TP53TG5: variants seen among roughly 807,000 people sequenced by gnomAD.
The protein encoded by TP53TG5 is TP53-target gene 5 protein.
TP53TG5 carries 17 observed loss-of-function variants against 30.0 expected under a neutral mutation model. That is an observed-to-expected ratio of 0.57 (90% CI 0.39 to 0.85). The LOEUF (loss-of-function observed/expected upper bound fraction) is 0.85. TP53TG5 is among the 40% of genes least tolerant of loss of function. The pLI is 0.00. For synonymous variants in TP53TG5, 137 were observed against 139.2 expected (o/e 0.98, Z 0.11); for missense variants, 338 against 367.9 (o/e 0.92, Z 0.67).
At chr20:45,374,221 G>T (rs1439172656) in intron 4 of TP53TG5, 16 of 683,732 alleles carry the variant, frequency 2.3e-5, no homozygotes, top group Non-Finnish European at 4.2e-5. Context: ...AAAGGGCTGC[G>T]GTATTTTCTT....
Position 45,375,025 on chromosome 20 carries a change from G to T in TP53TG5, c.768+14C>A. ...GCATCTCACCTAGCCTGGCAGTGTT[G>T]TTGTCACACCCACCTTGTATGGATG... On this transcript the variant is annotated intron_variant, in intron 4 of 4. Coordinates refer to ENST00000372726, the MANE Select transcript of TP53TG5 (RefSeq NM_014477.3). 6.2e-7 allele frequency: 1 copy of T among 1,606,752 alleles called. No homozygotes were observed.
chr20:45,374,178 C>G (rs967191183), intron 4 of TP53TG5, 167 bp from the exon 5 acceptor site: 15 of 677,800 alleles, frequency 2.2e-5, no homozygotes, highest in Non-Finnish European at 3.7e-5. Context: ...GGCACTCACC[C>G]CCTTCCTTTC....
rs1475219913 is a variant in TP53TG5 at position 45,373,046 on chromosome 20, C to G, written c.*861G>C. 1.3e-5 allele frequency: 2 copies of G among 152,364 alleles called. No individual in the cohort carries two copies. Among genetic ancestry groups the G allele is most frequent in the African/African-American group, 2.4e-5 (1 of 41,470 alleles). The allele number at this position is 152,364 out of a possible 1,614,324, so 9.4% of individuals were successfully genotyped here. On this transcript the variant is annotated 3_prime_UTR_variant, in exon 5 of 5. Coordinates refer to ENST00000372726, the MANE Select transcript of TP53TG5 (RefSeq NM_014477.3). Reference sequence around the variant, plus strand: ...AGCTCTGTGCCCCTCGATGGCTCCACTGCTCTCCCGAGGGCGCCCACTCCA... The same window carrying G: ...AGCTCTGTGCCCCTCGATGGCTCCAGTGCTCTCCCGAGGGCGCCCACTCCA...
intron 4 of TP53TG5, 43 bp from the exon 5 acceptor site, chr20:45,374,054 A>AG: frequency 6.3e-7 from 1 of 1,597,620 alleles, no homozygotes; most frequent in South Asian, 1.1e-5. Context: ...GACTGTCCCC[A>AG]GGGGGCGCTG....
chr20:45,375,605 C>G, intron 3 of TP53TG5, 53 bp from the exon 4 acceptor site: 1 of 1,549,834 alleles, frequency 6.5e-7, no homozygotes, highest in Non-Finnish European at 8.6e-7. Flanking sequence ...CCCTGGTTCC[C>G]GAGACAGTTG....
At chr20:45,374,832 T>A in intron 4 of TP53TG5, 1 of 635,322 alleles carries the variant, frequency 1.6e-6, no homozygotes, top group South Asian at 2.2e-5. Context: ...AGCTGTATCC[T>A]GAGACGCCTC....
In TP53TG5 at chr20:45,373,418, G is replaced by T. The variant is rs115285545; in HGVS notation, c.*489C>A. The T allele has an allele frequency of 0.021, 3,580 of 170,140 alleles. 138 individuals are homozygous for T. Among genetic ancestry groups the T allele is most frequent in the African/African-American group, 0.079 (3,326 of 42,300 alleles). The allele number at this position is 170,140 out of a possible 1,614,324, so 10.5% of individuals were successfully genotyped here. On this transcript the variant is annotated 3_prime_UTR_variant, in exon 5 of 5. Coordinates refer to ENST00000372726, the MANE Select transcript of TP53TG5 (RefSeq NM_014477.3). ...TTTGACAATCAATTTTTGACAATCA[G>T]GTCGCAATGCACGCGCATGACCTAC...
rs1013743233 is a variant in TP53TG5, at chr20:45,377,332, T to G, written c.134A>C (p.Asn45Thr). The part of the protein sequence containing the change: ...ERNRLRTVLK[N>T]LSLLKLLKSS... ...CTTGAGTAGCTTCAAGAGCGACAAGTTTTTTAACACCTGCCAGGGTCAAGA... is the reference window on the plus strand; with the variant it reads ...CTTGAGTAGCTTCAAGAGCGACAAGGTTTTTAACACCTGCCAGGGTCAAGA... Residue 45 changes from asparagine (N) to threonine (T), a missense_variant, in exon 3 of 5, where the codon AAC becomes ACC. Coordinates refer to ENST00000372726, the MANE Select transcript of TP53TG5 (RefSeq NM_014477.3). 1.9e-6 allele frequency: 3 copies of G among 1,613,954 alleles called. No homozygotes were observed. In the African/African-American group the frequency reaches 4.0e-5, roughly 22 times the overall value.
At chr20:45,374,844 A>G (rs1988672893) in intron 4 of TP53TG5, 195 bp downstream of exon 4, 1 of 689,960 alleles carries the variant, frequency 1.4e-6, no homozygotes, top group South Asian at 2.1e-5. Flanking sequence ...AGACGCCTCA[A>G]CCTAGTCACT....
In TP53TG5 at chr20:45,373,822, C is replaced by A; in HGVS notation, c.*85G>T. 1 of 1,341,242 alleles carries A rather than the reference C, an allele frequency of 7.5e-7. No individual in the cohort carries two copies. Among genetic ancestry groups the A allele is most frequent in the Non-Finnish European group, 1.1e-6 (1 of 937,176 alleles). The allele number at this position is 1,341,242 out of a possible 1,614,324, so 83.1% of individuals were successfully genotyped here. Reference sequence around the variant, plus strand: ...AAGTCGCGACACAGGCTCCCTCTACCGAAGGCCTCTTTCCTTCATCCTTCC... The same window carrying A: ...AAGTCGCGACACAGGCTCCCTCTACAGAAGGCCTCTTTCCTTCATCCTTCC... On this transcript the variant is annotated 3_prime_UTR_variant, in exon 5 of 5. Coordinates refer to ENST00000372726, the MANE Select transcript of TP53TG5 (RefSeq NM_014477.3).
chr20:45,374,530 C>A (rs1178424427), intron 4 of TP53TG5: 1 of 526,348 alleles, frequency 1.9e-6, no homozygotes, highest in African/African-American at 1.9e-5. Flanking sequence ...CCTCGACCTC[C>A]CAAGGTGCTG....
chr20:45,374,028 C>G lies in TP53TG5; in HGVS notation c.769-17G>C. ...CACATCAACCTGCCAGCAGAAACCT[C>G]GGTGTTAGGCGCTAAGACTGTCCCC... On this transcript the variant is annotated splice_polypyrimidine_tract_variant and intron_variant, in intron 4 of 4. Transcript: ENST00000372726. 6.2e-7 allele frequency: 1 copy of G among 1,612,884 alleles called. No individual in the cohort carries two copies. Among genetic ancestry groups the G allele is most frequent in the South Asian group, 1.1e-5 (1 of 91,064 alleles).
rs761632054 is a variant in TP53TG5, at chr20:45,375,035, C to T, written c.768+4G>A. On this transcript the variant is annotated splice_donor_region_variant and intron_variant, in intron 4 of 4. Transcript: ENST00000372726. ...TAGCCTGGCAGTGTTGTTGTCACAC[C>T]CACCTTGTATGGATGCCACATAGGC... The T allele has an allele frequency of 2.5e-6, 4 of 1,609,220 alleles. No homozygotes were observed. Among genetic ancestry groups the T allele is most frequent in the Non-Finnish European group, 3.4e-6 (4 of 1,176,374 alleles).
At chr20:45,374,034 T>G (rs1029356916) in intron 4 of TP53TG5, 23 bp from the exon 5 acceptor site, 1 of 1,612,336 alleles carries the variant, frequency 6.2e-7, no homozygotes, top group Non-Finnish European at 8.5e-7. Flanking sequence ...ACCTCGGTGT[T>G]AGGCGCTAAG....
rs1988623246 is a variant in TP53TG5 at position 45,373,624 on chromosome 20, TCGC to T, written c.*280_*282del. On this transcript the variant is annotated 3_prime_UTR_variant, in exon 5 of 5. Transcript: ENST00000372726. ...CGCGCCGCGGTTTCCTCTTGCGAGC[TCGC>T]GGGGCGATTGTGAGGCACTTTGCAC... is the stretch of plus-strand genomic sequence containing the variant. 2.2e-6 allele frequency: 1 copy of T among 454,306 alleles called. No homozygotes were observed. Among genetic ancestry groups the T allele is most frequent in the African/African-American group, 1.9e-5 (1 of 51,528 alleles). 28.1% of individuals were successfully genotyped at this position (454,306 alleles called of 1,614,324 possible).
chr20:45,374,800 C>A, intron 4 of TP53TG5: 1 of 556,930 alleles, frequency 1.8e-6, no homozygotes, highest in Non-Finnish European at 3.1e-6. Context: ...CACTTCAGTG[C>A]CCCTCCTTCC....
chr20:45,375,718 T>G (rs1432111514), intron 3 of TP53TG5, 166 bp from the exon 4 acceptor site: 4 of 777,300 alleles, frequency 5.1e-6, no homozygotes, highest in Non-Finnish European at 8.2e-6. Context: ...GGAGGTGTGA[T>G]GAGCACTAGC....
In TP53TG5 at chr20:45,373,631, G is replaced by A; in HGVS notation, c.*276C>T. The A allele has an allele frequency of 2.1e-6, 1 of 469,566 alleles. No homozygotes were observed. The highest frequency in any genetic ancestry group is 3.9e-6 in the Non-Finnish European group (1 of 258,024). The allele number at this position is 469,566 out of a possible 1,614,324, so 29.1% of individuals were successfully genotyped here. On this transcript the variant is annotated 3_prime_UTR_variant, in exon 5 of 5. Coordinates refer to ENST00000372726, the MANE Select transcript of TP53TG5 (RefSeq NM_014477.3). The stretch of plus-strand genomic sequence containing the variant: ...CGGTTTCCTCTTGCGAGCTCGCGGG[G>A]CGATTGTGAGGCACTTTGCACCCAG...
chr20:45,375,856 G>T, intron 3 of TP53TG5: 1 of 364,884 alleles, frequency 2.7e-6, no homozygotes, highest in Non-Finnish European at 5.0e-6. Context: ...CTGGGAGGGT[G>T]AACAGTCCAG....
Sources: allele counts gnomAD v4.1 joint callset, GRCh38; gene constraint gnomAD v4.1.1; transcripts MANE v1.5; gene names NCBI Gene and HGNC (gene_info 2026-07-23, HGNC 2026-07-21).